DOCK9: variants seen among roughly 807,000 people sequenced by gnomAD.
DOCK9 encodes the protein dedicator of cytokinesis 9.
Under a neutral mutation model 263.3 loss-of-function variants are expected in DOCK9, and 89 were observed. The ratio of observed to expected loss-of-function variants is 0.34; its 90% CI spans 0.28 to 0.40. DOCK9 has a LOEUF of 0.40. DOCK9 is among the 10% of genes least tolerant of loss of function. The probability of loss-of-function intolerance (pLI) is 1.00; values close to 1 mark genes in which losing one functional copy is unlikely to be tolerated. For missense variants in DOCK9, 2,140 were observed against 2,603.4 expected, an observed-to-expected ratio of 0.82 and a Z score of 3.87; for synonymous variants, 976 against 973.1, an observed-to-expected ratio of 1.00 and a Z score of -0.06.
At chr13:98,818,549 C>T (rs768384378) in intron 45 of DOCK9, among the ~76,000 whole-genome samples, 1 of 151,930 alleles carries the variant, frequency 6.6e-6, no homozygotes, top group Non-Finnish European at 1.5e-5. Context: ...GATATTTTTT[C>T]CTATATTGTT....
At chr13:98,999,955 G>A (rs1225178825) in intron 1 of DOCK9, among the ~76,000 whole-genome samples, 1 of 152,122 alleles carries the variant, frequency 6.6e-6, no homozygotes, top group African/African-American at 2.4e-5. Context: ...TCCCTGCCTT[G>A]TTATTTGGCA....
intron 1 of DOCK9, among the ~76,000 whole-genome samples, chr13:99,001,205 A>G (rs936062246): frequency 2.0e-5 from 3 of 152,246 alleles, no homozygotes; most frequent in Non-Finnish European, 4.4e-5. Context: ...ATACTGCCTT[A>G]CATTTACTTG....
chr13:98,927,813 G>A (rs1317240955), intron 3 of DOCK9, among the ~76,000 whole-genome samples: 2 of 151,766 alleles, frequency 1.3e-5, no homozygotes, highest in South Asian at 2.1e-4. Context: ...TAGAGACAGG[G>A]TTTCACAATG....
intron 30 of DOCK9, among the ~76,000 whole-genome samples, chr13:98,864,785 G>A (rs2093972780): frequency 6.6e-6 from 1 of 152,134 alleles, no homozygotes; most frequent in Admixed American, 6.5e-5. Context: ...GGTGGGAGGT[G>A]TTTGGGTCAT....
intron 2 of DOCK9, among the ~76,000 whole-genome samples, chr13:98,937,610 A>G (rs2055093633): frequency 6.6e-6 from 1 of 152,208 alleles, no homozygotes; most frequent in Non-Finnish European, 1.5e-5. Flanking sequence ...ATAATTAAAA[A>G]GGAAGAAAAA....
At chr13:99,008,234 A>ATTTT (rs398024127) in intron 1 of DOCK9, among the ~76,000 whole-genome samples, 970 of 93,876 alleles carry the variant, frequency 0.01, 10 homozygotes, top group East Asian at 0.017. Context: ...ATATATATAT[A>ATTTT]TTTTTTTTTT....
chr13:98,801,617 T>A (rs1242104772), intron 49 of DOCK9, among the ~76,000 whole-genome samples: 2 of 152,224 alleles, frequency 1.3e-5, no homozygotes, highest in African/African-American at 4.8e-5. Context: ...TTGCTCTATA[T>A]AATATAGAAA....
intron 2 of DOCK9, among the ~76,000 whole-genome samples, chr13:98,942,503 T>G (rs2056107698): frequency 2.6e-5 from 4 of 152,100 alleles, no homozygotes; most frequent in African/African-American, 7.2e-5. Context: ...CTCCCAAAGT[T>G]CTGGGATTAC....
At chr13:99,010,924 G>T (rs1047186796) in intron 1 of DOCK9, among the ~76,000 whole-genome samples, 3 of 152,146 alleles carry the variant, frequency 2.0e-5, no homozygotes, top group Non-Finnish European at 4.4e-5. Flanking sequence ...CTGAGTCAGG[G>T]TCTCACTCAG....
At chr13:98,955,640 G>T (rs1411179280) in intron 1 of DOCK9, 89 bp from the exon 2 acceptor site, 1 of 872,776 alleles carries the variant, frequency 1.1e-6, no homozygotes, top group Non-Finnish European at 1.8e-6. Flanking sequence ...TCTATGTTTT[G>T]TATTTTCTAC....
intron 33 of DOCK9, chr13:98,858,615 G>T (rs562751322): frequency 6.6e-6 from 1 of 152,306 alleles, no homozygotes; most frequent in African/African-American, 2.4e-5. Context: ...AGAGAACAGG[G>T]ATTTAAATCT....
chr13:98,922,166 C>A lies in DOCK9; in HGVS notation c.487-20G>T. 6.4e-7 allele frequency: 1 copy of A among 1,555,906 alleles called. No homozygotes were observed. The highest frequency in any genetic ancestry group is 1.2e-5 in the South Asian group (1 of 84,976). ...AGCATCCTAGGAGAGAAGGAAAACA[C>A]CAGCAGTCAACCTCCCGTTATTACC... On this transcript the variant is annotated intron_variant, in intron 5 of 52. Transcript: ENST00000682017.
chr13:98,883,294 C>A (rs2045143733), intron 22 of DOCK9, among the ~76,000 whole-genome samples, 163 bp from the exon 23 acceptor site: 1 of 152,102 alleles, frequency 6.6e-6, no homozygotes, highest in Non-Finnish European at 1.5e-5. Context: ...GTCGCCCTGG[C>A]TGGGGTGCAG....
In DOCK9 at chr13:98,888,164, G is replaced by A. The variant is rs780077173; in HGVS notation, c.2037C>T (p.Pro679=). 1 of 1,600,100 alleles carries A rather than the reference G, an allele frequency of 6.2e-7. No individual in the cohort carries two copies. The highest frequency in any genetic ancestry group is 8.5e-7 in the Non-Finnish European group (1 of 1,173,926). ...ATATTAAAAAAAAACAAACCTTAAG[G>A]GGCTGAGAGTCTTCCTCATCTGAAT... ...FKDSDEEDSQ[P]LKCIYGRPGG... is the part of the protein sequence containing the mutation. Residue 679 remains proline, a synonymous_variant, in exon 18 of 53, where the codon CCC becomes CCT. Coordinates refer to ENST00000682017, the MANE Select transcript of DOCK9 (RefSeq NM_001366683.2).
chr13:99,082,530 TAATAATAAATAAATA>T (rs200564247), intron 1 of DOCK9, among the ~76,000 whole-genome samples: 2 of 101,576 alleles, frequency 2.0e-5, no homozygotes, highest in Non-Finnish European at 4.2e-5. Context: ...AAAAAAATAA[TAATAATAAATAAATA>T]AATAAATAAA....
intron 1 of DOCK9, among the ~76,000 whole-genome samples, chr13:98,993,581 CAT>C (rs1374302575): frequency 2.0e-5 from 3 of 152,134 alleles, no homozygotes; most frequent in African/African-American, 7.2e-5. Flanking sequence ...TGGAAAACAA[CAT>C]GTCTTCACTA....
At position 98,908,307 on chromosome 13, in the gene DOCK9, C is replaced by A. The variant is rs533391302; in HGVS notation, c.961-3601G>T. 2.0e-5 allele frequency among the ~76,000 whole-genome samples: 3 copies of A among 152,174 alleles called. No individual in the cohort carries two copies. The East Asian group carries it at 5.8e-4, about 29-fold the overall frequency. On this transcript the variant is annotated intron_variant, in intron 9 of 52. Transcript: ENST00000682017. ...TGTGAATTGTTATAGCCTTTTGGGACGGTAACCTGGCAATGTTTAAAGCAT... is the reference window on the plus strand; with the variant it reads ...TGTGAATTGTTATAGCCTTTTGGGAAGGTAACCTGGCAATGTTTAAAGCAT...
chr13:98,797,310 A>C, intron 51 of DOCK9, 57 bp from the exon 52 acceptor site: 1 of 1,611,318 alleles, frequency 6.2e-7, no homozygotes, highest in African/African-American at 1.3e-5. Context: ...CATGAGTCCA[A>C]CCAGCAGCAT....
At chr13:98,894,083 T>A (rs2047025270) in intron 15 of DOCK9, among the ~76,000 whole-genome samples, 1 of 152,146 alleles carries the variant, frequency 6.6e-6, no homozygotes, top group Non-Finnish European at 1.5e-5. Flanking sequence ...CCCATCACTT[T>A]CAAATTAGTG....
Sources: gnomAD v4.1 joint callset for allele counts (sites outside exome capture counted in the v4.1 genomes callset) on GRCh38, gnomAD v4.1.1 for gene constraint, MANE v1.5 for transcripts, NCBI Gene and HGNC (gene_info 2026-07-23, HGNC 2026-07-21) for gene names.